The following MSRA variants were observed in gnomAD, a reference collection of about 807,000 sequenced individuals.
MSRA encodes methionine sulfoxide reductase A, also known as mitochondrial peptide methionine sulfoxide reductase.
A neutral mutation model predicts 31.3 loss-of-function variants in MSRA; 54 were observed. That is an observed-to-expected ratio of 1.73 (90% CI 1.39 to 2.17). The LOEUF is 2.17. MSRA is among the 30% of genes most tolerant of loss of function. The pLI, the probability that MSRA is intolerant of heterozygous loss-of-function variation, is 0.00. For synonymous variants in MSRA, 169 were observed against 116.5 expected, an observed-to-expected ratio of 1.45 and a Z score of -2.90; for missense variants, 507 against 300.9, an observed-to-expected ratio of 1.69 and a Z score of -5.07.
chr8:10,090,243 A>T (rs368083998), intron 1 of MSRA, among the ~76,000 whole-genome samples: 56 of 152,300 alleles, frequency 3.7e-4, no homozygotes, highest in African/African-American at 1.3e-3. Flanking sequence ...AGGGCCTAGC[A>T]GTCCAGGAGA....
intron 3 of MSRA, among the ~76,000 whole-genome samples, chr8:10,297,898 C>G (rs937759198): frequency 1.3e-5 from 2 of 152,200 alleles, no homozygotes; most frequent in Admixed American, 6.5e-5. Context: ...TTCTTGACAG[C>G]CTCGTGTCAG....
At chr8:10,226,518 G>C (rs566254122) in intron 2 of MSRA, among the ~76,000 whole-genome samples, 1 of 152,142 alleles carries the variant, frequency 6.6e-6, no homozygotes, top group Non-Finnish European at 1.5e-5. Context: ...ACCTACTGCA[G>C]TGTCATGGTC....
chr8:10,126,917 G>C (rs1473953465), intron 1 of MSRA, among the ~76,000 whole-genome samples: 1 of 152,176 alleles, frequency 6.6e-6, no homozygotes, highest in Admixed American at 6.5e-5. Flanking sequence ...TGCTCTGTTA[G>C]GAGGCGGAGC....
intron 3 of MSRA, among the ~76,000 whole-genome samples, chr8:10,249,958 C>T (rs1797832086): frequency 6.6e-6 from 1 of 152,164 alleles, no homozygotes; most frequent in Non-Finnish European, 1.5e-5. Context: ...AAAGGTGCCA[C>T]ATGTAAAGCA....
chr8:10,323,452 A>AT (rs1802172532), intron 5 of MSRA, among the ~76,000 whole-genome samples: 1 of 152,022 alleles, frequency 6.6e-6, no homozygotes, highest in African/African-American at 2.4e-5. Flanking sequence ...TGCAATGAAG[A>AT]TTTTCAGTTC....
intron 1 of MSRA, among the ~76,000 whole-genome samples, chr8:10,177,604 A>G (rs1019093756): frequency 1.4e-4 from 22 of 152,352 alleles, no homozygotes; most frequent in African/African-American, 5.0e-4. Flanking sequence ...TAAAAATTGC[A>G]TGTAGGTATT....
chr8:10,243,964 A>C (rs74528306), intron 2 of MSRA, among the ~76,000 whole-genome samples: 1 of 152,180 alleles, frequency 6.6e-6, no homozygotes, highest in African/African-American at 2.4e-5. Flanking sequence ...TCTTTGTATA[A>C]TATATAACTT....
chr8:10,358,834 C>T lies in MSRA; in HGVS notation c.543+38845C>T, dbSNP rs865781921. 1.5e-4 allele frequency among the ~76,000 whole-genome samples: 23 copies of T among 148,492 alleles called. 2 individuals are homozygous for T. Among genetic ancestry groups the T allele is most frequent in the South Asian group, 8.4e-4 (4 of 4,764 alleles). ...GTCTCGATCTCCTGACCTCGTGATC[C>T]GCCCGCCTCGGCCTCCCAAAGTGCT... On this transcript the variant is annotated intron_variant, in intron 5 of 5. Transcript: ENST00000317173.
At chr8:10,259,477 C>A (rs567486176) in intron 3 of MSRA, among the ~76,000 whole-genome samples, 1 of 151,968 alleles carries the variant, frequency 6.6e-6, no homozygotes, top group Non-Finnish European at 1.5e-5. Context: ...TGTAGGGACC[C>A]GTGACATTCT....
At chr8:10,323,134 A>G (rs1802151063) in intron 5 of MSRA, among the ~76,000 whole-genome samples, 2 of 150,726 alleles carry the variant, frequency 1.3e-5, no homozygotes, top group Admixed American at 1.3e-4. Flanking sequence ...TTAGTACCCG[A>G]GGAACTGATT....
chr8:10,191,274 C>A (rs1394688943), intron 1 of MSRA, among the ~76,000 whole-genome samples: 1 of 152,106 alleles, frequency 6.6e-6, no homozygotes, highest in African/African-American at 2.4e-5. Flanking sequence ...AGAAAAGAGA[C>A]CCCAGACTCA....
intron 1 of MSRA, among the ~76,000 whole-genome samples, chr8:10,195,258 G>C (rs1009072623): frequency 6.6e-6 from 1 of 152,094 alleles, no homozygotes; most frequent in African/African-American, 2.4e-5. Context: ...TTGTTTGTTT[G>C]TTTTTTGAGT....
chr8:10,374,166 G>A (rs1254477995), intron 5 of MSRA, among the ~76,000 whole-genome samples: 2 of 152,192 alleles, frequency 1.3e-5, no homozygotes, highest in Non-Finnish European at 2.9e-5. Flanking sequence ...AAATTCCTAC[G>A]ATCCGTTTGG....
At position 10,095,882 on chromosome 8, in the gene MSRA, C is replaced by G. The variant is rs1404628212; in HGVS notation, c.142+41224C>G. 5 of 1,278,168 alleles carry G rather than the reference C, an allele frequency of 3.9e-6. No individual in the cohort carries two copies. In the African/African-American group the frequency reaches 7.7e-5, roughly 20 times the overall value. The allele number at this position is 1,278,168 out of a possible 1,614,324, so 79.2% of individuals were successfully genotyped here. A position where few individuals can be genotyped will look rare whatever the true frequency, so the allele number is the denominator to read the frequency against. ...GGGAAATACTATATTTGATTTTTTG[C>G]ATGTATGATTATACCATGAGAGACA... On this transcript the variant is annotated intron_variant, in intron 1 of 5. Transcript: ENST00000317173.
At chr8:10,213,254 T>A (rs575373968) in intron 2 of MSRA, among the ~76,000 whole-genome samples, 1 of 152,106 alleles carries the variant, frequency 6.6e-6, no homozygotes, top group African/African-American at 2.4e-5. Flanking sequence ...TGAGTTTAAT[T>A]GTTTTGATTT....
Position 10,245,179 on chromosome 8 carries a change from C to A in MSRA, c.287C>A (p.Ala96Glu). The A allele has an allele frequency of 6.2e-7, 1 of 1,613,528 alleles. No homozygotes were observed. Among genetic ancestry groups the A allele is most frequent in the South Asian group, 1.1e-5 (1 of 91,046 alleles). ...KGVYSTQVGFAGGYTSNPTYK... is the reference protein window; with the variant it reads ...KGVYSTQVGFEGGYTSNPTYK... ...GTGTATTCAACTCAAGTTGGTTTTG[C>A]AGGAGGCTATACTTCAAATCCTACT... The change falls in exon 3 of 6, where the codon GCA (alanine) becomes GAA (glutamate). Residue 96 changes from alanine to glutamate, a missense_variant. Transcript: ENST00000317173.
intron 5 of MSRA, among the ~76,000 whole-genome samples, chr8:10,322,519 G>A (rs1284786000): frequency 6.6e-6 from 1 of 152,188 alleles, no homozygotes; most frequent in Non-Finnish European, 1.5e-5. Context: ...AGCAGAGGCA[G>A]ATTTGTGGGG....
intron 2 of MSRA, among the ~76,000 whole-genome samples, chr8:10,214,839 T>C (rs542004209): frequency 6.6e-6 from 1 of 152,344 alleles, no homozygotes; most frequent in South Asian, 2.1e-4. Context: ...TTATTTTATA[T>C]ATCTTGTGCA....
chr8:10,096,660 CT>C (rs1463415920), intron 1 of MSRA, among the ~76,000 whole-genome samples: 2 of 152,186 alleles, frequency 1.3e-5, no homozygotes, highest in African/African-American at 4.8e-5. Flanking sequence ...TACCGATTTT[CT>C]TTTTAATACT....
Sources: allele counts gnomAD v4.1 joint callset (sites outside exome capture counted in the v4.1 genomes callset), GRCh38; gene constraint gnomAD v4.1.1; transcripts MANE v1.5; gene names NCBI Gene and HGNC (gene_info 2026-07-23, HGNC 2026-07-21).